Variants in GPC6 observed in about 807,000 individuals in gnomAD.
The protein encoded by GPC6 is glypican 6.
In GPC6, 14 loss-of-function variants were observed where a neutral mutation model predicts 55.2. The ratio of observed to expected loss-of-function variants is 0.25; its 90% CI spans 0.17 to 0.40. The LOEUF is 0.40. Among genes scored for constraint, GPC6 ranks in the 10% least tolerant of loss-of-function variants. The pLI, the probability that GPC6 is intolerant of heterozygous loss-of-function variation, is 1.00. For missense variants in GPC6, 641 were observed against 708.5 expected, an observed-to-expected ratio of 0.90 and a Z score of 1.08; for synonymous variants, 278 against 259.6, an observed-to-expected ratio of 1.07 and a Z score of -0.68.
chr13:93,637,528 T>A (rs1879748860), intron 2 of GPC6, among the ~76,000 whole-genome samples: 1 of 152,182 alleles, frequency 6.6e-6, no homozygotes, highest in Non-Finnish European at 1.5e-5. Context: ...ATTTATCGTC[T>A]CAGGTTATGC....
intron 3 of GPC6, among the ~76,000 whole-genome samples, chr13:93,938,687 T>C (rs1594603750): frequency 6.6e-6 from 1 of 152,330 alleles, no homozygotes; most frequent in East Asian, 1.9e-4. Flanking sequence ...AGATTCTAAA[T>C]TAGAAGCATT....
chr13:93,284,296 C>T (rs1171897651), intron 1 of GPC6, among the ~76,000 whole-genome samples: 1 of 152,114 alleles, frequency 6.6e-6, no homozygotes, highest in Non-Finnish European at 1.5e-5. Flanking sequence ...CTAAGCCAGC[C>T]TCAAATCATG....
At chr13:94,008,087 C>G (rs1007750850) in intron 3 of GPC6, among the ~76,000 whole-genome samples, 3 of 151,988 alleles carry the variant, frequency 2.0e-5, no homozygotes, top group Admixed American at 1.3e-4. Flanking sequence ...GCTTCTGTGT[C>G]CTGCCTTCCA....
intron 6 of GPC6, among the ~76,000 whole-genome samples, chr13:94,337,137 G>A: frequency 6.6e-6 from 1 of 152,098 alleles, no homozygotes; most frequent in Non-Finnish European, 1.5e-5. Context: ...CAACACATTT[G>A]CCCTCATTTC....
chr13:93,805,358 A>G (rs1037217840), intron 2 of GPC6, among the ~76,000 whole-genome samples: 3 of 152,186 alleles, frequency 2.0e-5, no homozygotes, highest in African/African-American at 7.2e-5. Context: ...ACCCTCTATC[A>G]CCAAGTCATC....
At chr13:94,005,630 C>G (rs1434445467) in intron 3 of GPC6, among the ~76,000 whole-genome samples, 3 of 152,134 alleles carry the variant, frequency 2.0e-5, no homozygotes, top group African/African-American at 7.2e-5. Context: ...CAATTTAGTT[C>G]CTAGGACTCA....
rs533887769 is a variant in GPC6 at position 94,261,968 on chromosome 13, G to T, written c.878-24381G>T. Among the ~76,000 whole-genome samples the T allele has an allele frequency of 6.6e-5, 10 of 152,302 alleles. No homozygotes were observed. In the South Asian group the frequency reaches 1.2e-3, roughly 19 times the overall value. On this transcript the variant is annotated intron_variant, in intron 4 of 8. Coordinates refer to ENST00000377047, the MANE Select transcript of GPC6 (RefSeq NM_005708.5). ...AGTTGTTTTTAAATTGAAGATATTT[G>T]CACATGTTCAAATGCCTAAGGTAAA...
intron 4 of GPC6, among the ~76,000 whole-genome samples, chr13:94,106,993 C>T (rs1159564858): frequency 2.0e-5 from 3 of 152,082 alleles, no homozygotes; most frequent in Admixed American, 2.0e-4. Context: ...GGAAAGCAAA[C>T]ACAGATGTTC....
At chr13:94,366,956 C>T (rs953676749) in intron 6 of GPC6, among the ~76,000 whole-genome samples, 18 of 152,164 alleles carry the variant, frequency 1.2e-4, no homozygotes, top group Non-Finnish European at 4.4e-5. Context: ...GTCTCAATGC[C>T]AAGAGAGGAG....
intron 3 of GPC6, among the ~76,000 whole-genome samples, chr13:93,833,141 G>GAT (rs1410204172): frequency 1.4e-5 from 2 of 138,710 alleles, no homozygotes; most frequent in Non-Finnish European, 3.1e-5. Flanking sequence ...GAGAGAGAGA[G>GAT]AGAGAGAGAG....
intron 1 of GPC6, among the ~76,000 whole-genome samples, chr13:93,392,232 A>G (rs1409893789): frequency 6.6e-6 from 1 of 152,172 alleles, no homozygotes; most frequent in East Asian, 1.9e-4. Context: ...TTTTCATTGT[A>G]CTGCCTGCTT....
intron 4 of GPC6, among the ~76,000 whole-genome samples, chr13:94,229,078 G>T (rs1430036741): frequency 6.6e-6 from 1 of 152,140 alleles, no homozygotes; most frequent in Non-Finnish European, 1.5e-5. Context: ...TTTGGCAGTT[G>T]GATGAGAATC....
intron 3 of GPC6, among the ~76,000 whole-genome samples, chr13:93,928,983 A>C (rs1481665351): frequency 1.3e-5 from 2 of 152,056 alleles, no homozygotes; most frequent in African/African-American, 2.4e-5. Flanking sequence ...TTTCCACCTT[A>C]TCCTGGGTGT....
intron 2 of GPC6, among the ~76,000 whole-genome samples, chr13:93,613,532 C>CAA (rs1878583578): frequency 1.7e-5 from 1 of 58,718 alleles, no homozygotes; most frequent in Admixed American, 2.3e-4. Context: ...ACACACAAAA[C>CAA]ACACACACAC....
intron 3 of GPC6, among the ~76,000 whole-genome samples, chr13:94,013,287 A>G (rs1307966416): frequency 1.3e-5 from 2 of 152,112 alleles, no homozygotes; most frequent in Non-Finnish European, 1.5e-5. Context: ...AGTCTTTCAC[A>G]TGATTGATAA....
At chr13:94,106,834 T>C (rs573647840) in intron 4 of GPC6, among the ~76,000 whole-genome samples, 1 of 152,230 alleles carries the variant, frequency 6.6e-6, no homozygotes, top group African/African-American at 2.4e-5. Context: ...GCAGTCTTCC[T>C]GGAAGATGGA....
intron 1 of GPC6, among the ~76,000 whole-genome samples, chr13:93,447,381 TCA>T (rs1878047516): frequency 6.6e-6 from 1 of 152,170 alleles, no homozygotes; most frequent in South Asian, 2.1e-4. Context: ...ATTTTGCCCA[TCA>T]TCAGCATGTG....
chr13:93,393,775 G>A (rs1352895991), intron 1 of GPC6, among the ~76,000 whole-genome samples: 2 of 151,848 alleles, frequency 1.3e-5, no homozygotes. Flanking sequence ...TGGCATTCAA[G>A]ACCCCATGAT....
At chr13:94,175,986 A>AGAGAGAGAGAGAGAGAGAGC (rs1555304128) in intron 4 of GPC6, among the ~76,000 whole-genome samples, 3 of 131,226 alleles carry the variant, frequency 2.3e-5, no homozygotes, top group African/African-American at 2.8e-5. Context: ...AGAGAGAGAG[A>AGAGAGAGAGAGAGAGAGAGC]GAGAGAGCGA....
Sources: allele counts gnomAD v4.1 joint callset (sites outside exome capture counted in the v4.1 genomes callset), GRCh38; gene constraint gnomAD v4.1.1; transcripts MANE v1.5; gene names NCBI Gene and HGNC (gene_info 2026-07-23, HGNC 2026-07-21).